The following PRP4K variants were observed in gnomAD, a reference collection of about 807,000 sequenced individuals.
The protein encoded by PRP4K is serine/threonine-protein kinase PRP4 homolog.
the PRP4K span, among the ~76,000 whole-genome samples, chr6:4,029,340 T>G: frequency 9.7e-3 from 159 of 16,354 alleles, no homozygotes; most frequent in Non-Finnish European, 0.018. Context: ...TGTTACTCAA[T>G]TTTTTTTTTT....
the PRP4K span, among the ~76,000 whole-genome samples, chr6:4,036,935 G>A: frequency 2.0e-5 from 3 of 148,162 alleles, no homozygotes; most frequent in African/African-American, 5.0e-5. Flanking sequence ...GCAGTGACCC[G>A]TGTTTGCGCC....
At chr6:4,047,318 G>A in the PRP4K span, 2 of 1,204,908 alleles carry the variant, frequency 1.7e-6, no homozygotes, top group Admixed American at 2.0e-5. Flanking sequence ...TATACATATA[G>A]AGAAAGAAGA....
chr6:4,059,776 GC>G, the PRP4K span, among the ~76,000 whole-genome samples: 1 of 152,116 alleles, frequency 6.6e-6, no homozygotes, highest in Non-Finnish European at 1.5e-5. Context: ...CTCCCGAGTA[GC>G]TGGGATTACA....
At chr6:4,028,310 A>G in the PRP4K span, among the ~76,000 whole-genome samples, 2 of 152,014 alleles carry the variant, frequency 1.3e-5, no homozygotes, top group African/African-American at 4.8e-5. Context: ...TCCTGGGTTC[A>G]AGTGATCCTA....
chr6:4,052,635 GCTTGC>G, the PRP4K span: 1 of 1,108,934 alleles, frequency 9.0e-7, no homozygotes, highest in Non-Finnish European at 1.2e-6. Flanking sequence ...TTTACTTTAT[GCTTGC>G]AAATGTTTTT....
At chr6:4,042,129 A>G in the PRP4K span, among the ~76,000 whole-genome samples, 1 of 152,202 alleles carries the variant, frequency 6.6e-6, no homozygotes. Context: ...AAAGGTAGCA[A>G]TTTACTTATC....
chr6:4,023,101 C>T, the PRP4K span, among the ~76,000 whole-genome samples: 1 of 152,226 alleles, frequency 6.6e-6, no homozygotes, highest in Non-Finnish European at 1.5e-5. Flanking sequence ...ATATGTCTCA[C>T]TTTCAGTAGT....
the PRP4K span, among the ~76,000 whole-genome samples, chr6:4,038,838 T>G: frequency 6.6e-6 from 1 of 152,214 alleles, no homozygotes; most frequent in Non-Finnish European, 1.5e-5. Flanking sequence ...GGTATGTAGA[T>G]CTTTATCCCC....
chr6:4,060,799 T>TA, the PRP4K span: 7 of 645,682 alleles, frequency 1.1e-5, no homozygotes, highest in East Asian at 2.0e-4. The surrounding 1 kb of genome is among the most constrained non-coding windows in gnomAD (Gnocchi z 4.7). Context: ...TTTTGTGTCT[T>TA]ACGTGAAATT....
At chr6:4,043,341 T>C in the PRP4K span, among the ~76,000 whole-genome samples, 1 of 152,220 alleles carries the variant, frequency 6.6e-6, no homozygotes, top group Admixed American at 6.5e-5. Flanking sequence ...GATGAATCTT[T>C]TTTTATTCTT....
At chr6:4,056,015 C>T in the PRP4K span, among the ~76,000 whole-genome samples, 1 of 152,132 alleles carries the variant, frequency 6.6e-6, no homozygotes, top group African/African-American at 2.4e-5. Context: ...TGCTTTGCTT[C>T]ATGAAATTAG....
At chr6:4,057,246 C>T in the PRP4K span, 58 of 1,544,472 alleles carry the variant, frequency 3.8e-5, no homozygotes, top group Non-Finnish European at 4.4e-5. Flanking sequence ...GACAAGACTG[C>T]TGACACTTGC....
At chr6:4,051,937 A>ATT in the PRP4K span, 1 of 1,452,772 alleles carries the variant, frequency 6.9e-7, no homozygotes, top group Non-Finnish European at 9.3e-7. Flanking sequence ...ATTTTACCCC[A>ATT]ATTTTTTTTT....
At chr6:4,023,193 G>A in the PRP4K span, among the ~76,000 whole-genome samples, 2,205 of 152,310 alleles carry the variant, frequency 0.014, 48 homozygotes, top group African/African-American at 0.05. Context: ...CCTGAATATA[G>A]TGTCTACAAC....
chr6:4,057,127 C>T, the PRP4K span: 3 of 1,613,504 alleles, frequency 1.9e-6, no homozygotes, highest in African/African-American at 1.3e-5. Context: ...TATTCCCTGG[C>T]AAAACCAATA....
the PRP4K span, chr6:4,031,448 T>C: frequency 9.6e-6 from 8 of 833,994 alleles, no homozygotes; most frequent in African/African-American, 1.2e-4. Flanking sequence ...TTTTAGTGAC[T>C]GACTTCATGT....
the PRP4K span, chr6:4,042,387 C>A: frequency 1.2e-6 from 1 of 868,022 alleles, no homozygotes; most frequent in Non-Finnish European, 1.8e-6. Flanking sequence ...AAGACTTTTG[C>A]TCTAACTTAC....
the PRP4K span, among the ~76,000 whole-genome samples, chr6:4,044,845 GTTATTA>G: frequency 2.5e-4 from 34 of 135,228 alleles, 1 homozygote; most frequent in South Asian, 4.7e-4. Flanking sequence ...ACAATATATG[GTTATTA>G]TTATTATTAT....
At chr6:4,036,785 G>A in the PRP4K span, among the ~76,000 whole-genome samples, 5 of 151,646 alleles carry the variant, frequency 3.3e-5, no homozygotes, top group African/African-American at 4.8e-5. Context: ...CCAGGAGTTC[G>A]AGACCAGCCT....
Sources: allele counts gnomAD v4.1 joint callset (sites outside exome capture counted in the v4.1 genomes callset), GRCh38; gene constraint gnomAD v4.1.1; non-coding constraint Gnocchi (gnomAD v3.1); transcripts MANE v1.5; gene names NCBI Gene and HGNC (gene_info 2026-07-23, HGNC 2026-07-21).